CDR2: variants seen among roughly 807,000 people sequenced by gnomAD.
The protein encoded by CDR2 is cerebellar degeneration related protein 2, also known as cerebellar degeneration-related protein 2.
A neutral mutation model predicts 48.4 loss-of-function variants in CDR2; 34 were observed. That is an observed-to-expected ratio of 0.70 (90% CI 0.53 to 0.94). The LOEUF (loss-of-function observed/expected upper bound fraction) is 0.94, where lower values mean the gene tolerates loss of function less well. Among genes scored for constraint, CDR2 ranks in the 40% least tolerant of loss-of-function variants. CDR2 has a pLI of 0.00. For synonymous variants in CDR2, 240 were observed against 219.7 expected (o/e 1.09, Z -0.82); for missense variants, 498 against 549.5 (o/e 0.91, Z 0.94).
At chr16:22,353,364 T>C (rs2141845164) in intron 2 of CDR2, among the ~76,000 whole-genome samples, 1 of 152,308 alleles carries the variant, frequency 6.6e-6, no homozygotes, top group East Asian at 1.9e-4. Flanking sequence ...GAACCTGGTT[T>C]GAGGTCTTGC....
intron 1 of CDR2, among the ~76,000 whole-genome samples, chr16:22,373,191 C>T (rs1264158976): frequency 1.3e-5 from 2 of 152,196 alleles, no homozygotes; most frequent in Non-Finnish European, 2.9e-5. Flanking sequence ...CAACTGCTAG[C>T]TCCTGCTATT....
chr16:22,348,248 G>C (rs1306746647), intron 4 of CDR2, among the ~76,000 whole-genome samples: 1 of 152,100 alleles, frequency 6.6e-6, no homozygotes, highest in Non-Finnish European at 1.5e-5. Flanking sequence ...ACAGTGATTG[G>C]TTTTTAGCCA....
rs558693522 is a variant in CDR2, at chr16:22,354,889, G to A, written c.193-5040C>T. On this transcript the variant is annotated intron_variant, in intron 2 of 4. Coordinates refer to ENST00000268383, the MANE Select transcript of CDR2 (RefSeq NM_001802.2). ...AGCCTGGGCGACAGAGTGAGACTAT[G>A]TCTAAAAATAAATAAATAAATAAAA... Among the ~76,000 whole-genome samples the A allele has an allele frequency of 2.0e-5, 3 of 152,216 alleles. No individual in the cohort carries two copies. In the East Asian group the frequency reaches 5.8e-4, roughly 29 times the overall value.
chr16:22,356,697 G>A (rs1047111785), intron 2 of CDR2, among the ~76,000 whole-genome samples: 11 of 152,060 alleles, frequency 7.2e-5, no homozygotes, highest in Non-Finnish European at 1.6e-4. Context: ...AGGTTGCAGT[G>A]GGCCGAGATC....
intron 2 of CDR2, among the ~76,000 whole-genome samples, chr16:22,351,027 G>A (rs891495034): frequency 6.6e-6 from 1 of 151,956 alleles, no homozygotes; most frequent in Non-Finnish European, 1.5e-5. Context: ...TCCCCACCCC[G>A]ACAGGCCCCA....
intron 1 of CDR2, among the ~76,000 whole-genome samples, chr16:22,372,753 A>G (rs1361069639): frequency 2.0e-5 from 3 of 152,226 alleles, no homozygotes; most frequent in African/African-American, 7.2e-5. Context: ...CTGTAAGTGT[A>G]ATAAAGGTGA....
At chr16:22,353,234 T>A (rs2048953757) in intron 2 of CDR2, among the ~76,000 whole-genome samples, 1 of 152,148 alleles carries the variant, frequency 6.6e-6, no homozygotes, top group Non-Finnish European at 1.5e-5. Context: ...AGGACACAGC[T>A]GCCCCACAAA....
intron 4 of CDR2, among the ~76,000 whole-genome samples, chr16:22,348,151 G>C (rs758050402): frequency 3.6e-4 from 54 of 151,992 alleles, no homozygotes; most frequent in Non-Finnish European, 6.9e-4. Context: ...TGGTCAGGCT[G>C]GTCTCGAACT....
At chr16:22,360,333 C>G (rs186654321) in intron 2 of CDR2, among the ~76,000 whole-genome samples, 10 of 152,248 alleles carry the variant, frequency 6.6e-5, no homozygotes, top group African/African-American at 2.4e-4. Flanking sequence ...TTCTCTGAAG[C>G]CAGTTTAACC....
chr16:22,365,993 T>C (rs1343444148), intron 1 of CDR2, among the ~76,000 whole-genome samples: 1 of 152,218 alleles, frequency 6.6e-6, no homozygotes, highest in African/African-American at 2.4e-5. Flanking sequence ...AATATAAGAT[T>C]GTGAAAATCA....
chr16:22,357,333 G>C (rs897748776), intron 2 of CDR2, among the ~76,000 whole-genome samples: 1 of 152,230 alleles, frequency 6.6e-6, no homozygotes, highest in Non-Finnish European at 1.5e-5. Flanking sequence ...ACAGGCATGA[G>C]CCACCGTGCC....
chr16:22,358,546 G>A (rs1382835066), intron 2 of CDR2, among the ~76,000 whole-genome samples: 2 of 152,076 alleles, frequency 1.3e-5, no homozygotes, highest in Admixed American at 1.3e-4. Flanking sequence ...ATCCTAACCT[G>A]GAACGCAGGG....
intron 4 of CDR2, 105 bp downstream of exon 4, chr16:22,349,174 T>TA: frequency 8.3e-7 from 1 of 1,210,582 alleles, no homozygotes; most frequent in Non-Finnish European, 1.2e-6. Context: ...GCTTAATAGC[T>TA]AAGTGACTTT....
intron 2 of CDR2, among the ~76,000 whole-genome samples, chr16:22,360,808 G>A (rs1014509432): frequency 2.2e-5 from 3 of 135,104 alleles, no homozygotes; most frequent in Non-Finnish European, 4.6e-5. Flanking sequence ...GGAGTGAAGT[G>A]GCAGGATCTC....
chr16:22,347,855 C>T, intron 4 of CDR2, 32 bp from the exon 5 acceptor site: 1 of 1,553,052 alleles, frequency 6.4e-7, no homozygotes, highest in Non-Finnish European at 8.7e-7. Context: ...GAATATATTA[C>T]ACAGGTCCAC....
At chr16:22,357,330 T>G (rs1321017318) in intron 2 of CDR2, among the ~76,000 whole-genome samples, 1 of 152,218 alleles carries the variant, frequency 6.6e-6, no homozygotes, top group Non-Finnish European at 1.5e-5. Context: ...ATTACAGGCA[T>G]GAGCCACCGT....
chr16:22,349,959 C>G, intron 2 of CDR2, 110 bp from the exon 3 acceptor site: 1 of 928,212 alleles, frequency 1.1e-6, no homozygotes, highest in African/African-American at 1.6e-5. Flanking sequence ...GAGGCCAAGA[C>G]GTGTGGATCA....
intron 1 of CDR2, among the ~76,000 whole-genome samples, chr16:22,371,995 C>T (rs1310808605): frequency 1.3e-5 from 2 of 152,002 alleles, no homozygotes; most frequent in Non-Finnish European, 2.9e-5. Context: ...CTCAGCCTCC[C>T]GAGTAGCTGG....
At chr16:22,367,600 CTACA>C (rs2049051778) in intron 1 of CDR2, among the ~76,000 whole-genome samples, 1 of 152,124 alleles carries the variant, frequency 6.6e-6, no homozygotes, top group African/African-American at 2.4e-5. Context: ...AGGAAACTCA[CTACA>C]TAATGATTTT....
Sources: allele counts gnomAD v4.1 joint callset (sites outside exome capture counted in the v4.1 genomes callset), GRCh38; gene constraint gnomAD v4.1.1; transcripts MANE v1.5; gene names NCBI Gene and HGNC (gene_info 2026-07-23, HGNC 2026-07-21).